GRM1: variants seen among roughly 807,000 people sequenced by gnomAD.
GRM1 encodes glutamate metabotropic receptor 1.
In GRM1, 33 loss-of-function variants were observed where a neutral mutation model predicts 90.9. The observed-to-expected ratio is 0.36, with a 90% CI of 0.28 to 0.49. The LOEUF (loss-of-function observed/expected upper bound fraction) is 0.49, where lower values mean the gene tolerates loss of function less well. GRM1 is among the 20% of genes least tolerant of loss of function. GRM1 has a pLI of 0.99. For synonymous variants in GRM1, 700 were observed against 613.2 expected (o/e 1.14, Z -2.09); for missense variants, 1,190 against 1,534.3 (o/e 0.78, Z 3.75).
chr6:146,060,982 G>A (rs1775646887), intron 1 of GRM1, among the ~76,000 whole-genome samples: 1 of 151,588 alleles, frequency 6.6e-6, no homozygotes. Context: ...GTTTTGATTT[G>A]CATTTCTCTA....
At chr6:146,330,649 G>T (rs1161368662) in intron 3 of GRM1, among the ~76,000 whole-genome samples, 1 of 152,052 alleles carries the variant, frequency 6.6e-6, no homozygotes, top group Non-Finnish European at 1.5e-5. Context: ...CATCAGCGTG[G>T]TGTTATCCCC....
intron 1 of GRM1, among the ~76,000 whole-genome samples, chr6:146,057,368 G>C (rs1366561509): frequency 1.3e-5 from 2 of 151,992 alleles, no homozygotes; most frequent in Non-Finnish European, 2.9e-5. Flanking sequence ...AATAACCTAG[G>C]CATCACACAT....
intron 2 of GRM1, among the ~76,000 whole-genome samples, chr6:146,182,719 G>A (rs1175393110): frequency 6.6e-6 from 1 of 151,954 alleles, no homozygotes; most frequent in Non-Finnish European, 1.5e-5. Context: ...TTTTTCTGGA[G>A]TGGAATGAGA....
chr6:146,342,712 C>T (rs1009455052), intron 3 of GRM1, among the ~76,000 whole-genome samples: 3 of 152,168 alleles, frequency 2.0e-5, no homozygotes, highest in Non-Finnish European at 4.4e-5. Context: ...ACAGAGCAAA[C>T]CTTTAATCAC....
At chr6:146,232,020 G>T (rs1414777891) in intron 2 of GRM1, among the ~76,000 whole-genome samples, 1 of 152,090 alleles carries the variant, frequency 6.6e-6, no homozygotes, top group Non-Finnish European at 1.5e-5. Flanking sequence ...TTTGGTAAAA[G>T]TCACTGGTAA....
intron 7 of GRM1, 151 bp from the exon 8 acceptor site, chr6:146,433,721 T>C (rs1778495987): frequency 1.5e-6 from 1 of 663,584 alleles, no homozygotes. Flanking sequence ...GGTGTTCTTT[T>C]TGTAAGAGGA....
intron 1 of GRM1, among the ~76,000 whole-genome samples, chr6:146,119,271 C>A (rs1325270674): frequency 1.3e-5 from 2 of 152,222 alleles, no homozygotes; most frequent in East Asian, 3.9e-4. Context: ...ATCCTTTGCC[C>A]ACTTTTTGAT....
At chr6:146,365,753 TA>T (rs1374467528) in intron 5 of GRM1, among the ~76,000 whole-genome samples, 2 of 152,122 alleles carry the variant, frequency 1.3e-5, no homozygotes, top group African/African-American at 2.4e-5. Context: ...GGCAACATCT[TA>T]GCGGGACCTT....
intron 2 of GRM1, among the ~76,000 whole-genome samples, chr6:146,196,162 A>T (rs1224994644): frequency 6.6e-6 from 1 of 152,180 alleles, no homozygotes; most frequent in Admixed American, 6.5e-5. Context: ...TTTTTAAGTG[A>T]TGGGTAATTA....
At chr6:146,208,495 C>G (rs1779569913) in intron 2 of GRM1, among the ~76,000 whole-genome samples, 1 of 152,078 alleles carries the variant, frequency 6.6e-6, no homozygotes, top group Non-Finnish European at 1.5e-5. Flanking sequence ...ATATGTTCCC[C>G]TTTCCACCTC....
chr6:146,349,548 T>C (rs1785318989), intron 3 of GRM1, among the ~76,000 whole-genome samples: 1 of 152,194 alleles, frequency 6.6e-6, no homozygotes, highest in Non-Finnish European at 1.5e-5. Flanking sequence ...ACATACCCAC[T>C]TTTTCTTTCC....
At chr6:146,340,555 G>GA (rs1784936213) in intron 3 of GRM1, 2 of 151,270 alleles carry the variant, frequency 1.3e-5, no homozygotes, top group Non-Finnish European at 2.9e-5. Flanking sequence ...TTTGTTTTTT[G>GA]TTTTTTTTGA....
intron 2 of GRM1, among the ~76,000 whole-genome samples, chr6:146,301,195 T>G (rs542896864): frequency 6.6e-6 from 1 of 152,272 alleles, no homozygotes; most frequent in African/African-American, 2.4e-5. Flanking sequence ...TGGTTCTCCT[T>G]GATTTTATGA....
chr6:146,378,986 T>C (rs563096729), intron 5 of GRM1, among the ~76,000 whole-genome samples: 1 of 152,306 alleles, frequency 6.6e-6, no homozygotes, highest in African/African-American at 2.4e-5. Context: ...TTGTGAGGCT[T>C]CCCCAACCAT....
At chr6:146,244,380 T>C (rs376345432) in intron 2 of GRM1, among the ~76,000 whole-genome samples, 1 of 152,224 alleles carries the variant, frequency 6.6e-6, no homozygotes, top group East Asian at 1.9e-4. Context: ...TCACAATTTA[T>C]GTTCTTCTGC....
At chr6:146,063,071 C>A (rs996940735) in intron 1 of GRM1, among the ~76,000 whole-genome samples, 1 of 152,134 alleles carries the variant, frequency 6.6e-6, no homozygotes, top group African/African-American at 2.4e-5. Flanking sequence ...CCAACAGTCA[C>A]CTTTGCTTAG....
At chr6:146,301,308 A>G (rs1035147213) in intron 2 of GRM1, among the ~76,000 whole-genome samples, 4 of 152,190 alleles carry the variant, frequency 2.6e-5, no homozygotes, top group South Asian at 2.1e-4. Context: ...ATTCCAGACC[A>G]CTAAACCATG....
At chr6:146,228,130 C>G (rs975439208) in intron 2 of GRM1, among the ~76,000 whole-genome samples, 3 of 152,156 alleles carry the variant, frequency 2.0e-5, no homozygotes, top group African/African-American at 7.2e-5. Flanking sequence ...GTGCTTTGTC[C>G]TTCTGGCATC....
At chr6:146,333,259 G>T (rs1430045639) in intron 3 of GRM1, among the ~76,000 whole-genome samples, 2 of 152,142 alleles carry the variant, frequency 1.3e-5, no homozygotes, top group African/African-American at 2.4e-5. Flanking sequence ...GGTACTCTGA[G>T]ACCCTTCCTC....
Sources: allele counts gnomAD v4.1 joint callset (sites outside exome capture counted in the v4.1 genomes callset), GRCh38; gene constraint gnomAD v4.1.1; transcripts MANE v1.5; gene names NCBI Gene and HGNC (gene_info 2026-07-23, HGNC 2026-07-21).